FAM184A: variants seen among roughly 807,000 people sequenced by gnomAD.
FAM184A encodes the protein family with sequence similarity 184 member A.
In FAM184A, 99 loss-of-function variants were observed where a neutral mutation model predicts 143.8. The ratio of observed to expected loss-of-function variants is 0.69; its 90% CI spans 0.58 to 0.81. The LOEUF (loss-of-function observed/expected upper bound fraction) is 0.81, where lower values mean the gene tolerates loss of function less well. Among genes scored for constraint, FAM184A ranks in the 40% least tolerant of loss-of-function variants. The pLI is 0.00. For synonymous variants in FAM184A, 427 were observed against 446.4 expected, an observed-to-expected ratio of 0.96 and a Z score of 0.55; for missense variants, 1,217 against 1,310.5, an observed-to-expected ratio of 0.93 and a Z score of 1.10.
chr6:119,038,489 GGA>G (rs776204788), intron 1 of FAM184A, among the ~76,000 whole-genome samples: 1 of 152,162 alleles, frequency 6.6e-6, no homozygotes, highest in African/African-American at 2.4e-5. Flanking sequence ...AAAATGGCCA[GGA>G]GAGTGACCTC....
chr6:119,024,749 G>C lies in FAM184A; in HGVS notation c.224C>G (p.Ala75Gly). The C allele has an allele frequency of 6.2e-7, 1 of 1,613,246 alleles. No individual in the cohort carries two copies. Among genetic ancestry groups the C allele is most frequent in the Non-Finnish European group, 8.5e-7 (1 of 1,179,818 alleles). Residue 75 changes from alanine to glycine, a missense_variant, in exon 2 of 18, where the codon GCT (alanine) becomes GGT (glycine). By Grantham distance (60) the Ala-to-Gly change is moderately conservative. Transcript: ENST00000338891. ...AATTTGTTGAATTTCTTCTTCATGA[G>C]CATCTTTGAGGGCTTGAATTGCAGA... ...HESAIQALKD[A>G]HEEEIQQILA... is the part of the protein sequence containing the mutation.
chr6:119,079,940 G>A (rs1788013446), upstream of FAM184A, among the ~76,000 whole-genome samples: 1 of 152,168 alleles, frequency 6.6e-6, no homozygotes, highest in Non-Finnish European at 1.5e-5. Flanking sequence ...CTAGTTCCGA[G>A]GTTCTGAATG....
intron 1 of FAM184A, among the ~76,000 whole-genome samples, chr6:119,034,039 TATA>T (rs1786011544): frequency 3.3e-4 from 10 of 30,274 alleles, no homozygotes; most frequent in Non-Finnish European, 5.6e-4. Context: ...TATATATATA[TATA>T]GAGAGAGAGA....
intron 1 of FAM184A, among the ~76,000 whole-genome samples, chr6:119,098,593 A>G (rs1788566795): frequency 6.6e-6 from 1 of 152,198 alleles, no homozygotes. Context: ...GGTAGATTCA[A>G]AATTTTTTTA....
Position 119,096,642 on chromosome 6 carries a change from CAAAAAA to C in FAM184A, c.-202+52430_-202+52435del, listed in dbSNP as rs763619775. Among the ~76,000 whole-genome samples the C allele has an allele frequency of 9.7e-5, 2 of 20,650 alleles. 1 individual carries two copies. The highest frequency in any genetic ancestry group is 3.8e-4 in the African/African-American group (2 of 5,208). 13.5% of individuals were successfully genotyped at this position (20,650 alleles called of 152,430 possible). A position where few individuals can be genotyped will look rare whatever the true frequency, so the allele number is the denominator to read the frequency against. The stretch of plus-strand genomic sequence containing the variant: ...TGGGCGACAGAGCGAGACTCCATCT[CAAAAAA>C]AAAAAAAAAAAAAAAAAAAGAAAGA... On this transcript the variant is annotated intron_variant, in intron 1 of 16. Transcript: ENST00000352896.
intron 1 of FAM184A, among the ~76,000 whole-genome samples, chr6:119,051,029 A>G (rs1786742843): frequency 6.6e-6 from 1 of 152,220 alleles, no homozygotes; most frequent in African/African-American, 2.4e-5. Flanking sequence ...AGCAGAAAAA[A>G]TAACTGTTGG....
At chr6:119,016,093 C>T (rs146803038) in intron 5 of FAM184A, among the ~76,000 whole-genome samples, 5,938 of 152,260 alleles carry the variant, frequency 0.039, 191 homozygotes, top group South Asian at 0.074. Flanking sequence ...CTTGGAGAAC[C>T]TGTGTGTGAA....
At position 118,970,256 on chromosome 6, in the gene FAM184A, G is replaced by A. The variant is rs574983335; in HGVS notation, c.2916-3304C>T. Among the ~76,000 whole-genome samples, 20 of 151,124 alleles carry A rather than the reference G, an allele frequency of 1.3e-4. No homozygotes were observed. The East Asian group carries it at 3.7e-3, about 28-fold the overall frequency. On this transcript the variant is annotated intron_variant, in intron 14 of 17. Coordinates refer to ENST00000338891, the MANE Select transcript of FAM184A (RefSeq NM_024581.6). ...TGACCTCAGGTGATCCGCCTGCCTC[G>A]GCCTCCCAGAAGTGCTGGGATTACA... is the stretch of plus-strand genomic sequence containing the variant.
At chr6:118,991,751 CTTTTTTTTTT>C (rs61476918) in intron 9 of FAM184A, among the ~76,000 whole-genome samples, 5 of 42,350 alleles carry the variant, frequency 1.2e-4, no homozygotes, top group Non-Finnish European at 1.6e-4. Flanking sequence ...CCTGAGAGGA[CTTTTTTTTTT>C]TTTTTTTTTT....
intron 1 of FAM184A, among the ~76,000 whole-genome samples, chr6:119,064,512 C>G (rs1787371825): frequency 6.6e-6 from 1 of 152,110 alleles, no homozygotes; most frequent in Non-Finnish European, 1.5e-5. Context: ...ATCAGCCTGG[C>G]AAACATAGTA....
intron 5 of FAM184A, among the ~76,000 whole-genome samples, chr6:119,013,601 ATAG>A (rs1562473109): frequency 6.6e-6 from 1 of 152,258 alleles, no homozygotes. Flanking sequence ...TGGTTCTGGA[ATAG>A]TGACCTGGCA....
chr6:119,072,269 A>C (rs1181460221), intron 1 of FAM184A, among the ~76,000 whole-genome samples: 1 of 152,198 alleles, frequency 6.6e-6, no homozygotes, highest in Admixed American at 6.5e-5. Flanking sequence ...CATTAGTAAA[A>C]TGCAACAAAT....
rs749631840 is a variant in FAM184A, at chr6:119,020,162, A to G, written c.1151-3T>C. 3.0e-5 allele frequency: 46 copies of G among 1,524,790 alleles called. No individual in the cohort carries two copies. Among genetic ancestry groups the G allele is most frequent in the Non-Finnish European group, 4.0e-5 (46 of 1,142,104 alleles). The allele number at this position is 1,524,790 out of a possible 1,614,324, so 94.5% of individuals were successfully genotyped here. A position where few individuals can be genotyped will look rare whatever the true frequency, so the allele number is the denominator to read the frequency against. On this transcript the variant is annotated splice_polypyrimidine_tract_variant and splice_region_variant and intron_variant, in intron 3 of 17. Transcript: ENST00000338891. Reference sequence around the variant, plus strand: ...TGCTTGAAGCATTCCAATATGACCTATCCCCCAAAAAGAAAATCCCTTCAA... The same window carrying G: ...TGCTTGAAGCATTCCAATATGACCTGTCCCCCAAAAAGAAAATCCCTTCAA...
Position 119,023,561 on chromosome 6 carries a change from C to G in FAM184A, c.1014+398G>C, listed in dbSNP as rs373660562. On this transcript the variant is annotated intron_variant, in intron 2 of 17. Coordinates refer to ENST00000338891, the MANE Select transcript of FAM184A (RefSeq NM_024581.6). ...ATAATTAGCAATATTGTCCGCCCCC[C>G]CCCCCAGGAACAGCGTATTACCTCG... 4.6e-4 allele frequency among the ~76,000 whole-genome samples: 55 copies of G among 119,802 alleles called. 3 individuals carry two copies. The East Asian group carries it at 5.5e-3, about 12-fold the overall frequency. 78.6% of individuals were successfully genotyped at this position (119,802 alleles called of 152,430 possible).
chr6:118,975,026 T>G lies in FAM184A; in HGVS notation c.2766A>C (p.Ile922=). The G allele has an allele frequency of 6.2e-7, 1 of 1,610,810 alleles. No homozygotes were observed. The highest frequency in any genetic ancestry group is 8.5e-7 in the Non-Finnish European group (1 of 1,177,794). The change falls in exon 13 of 18, where the codon ATA becomes ATC. Residue 922 remains isoleucine, a splice_region_variant and synonymous_variant. Coordinates refer to ENST00000338891, the MANE Select transcript of FAM184A (RefSeq NM_024581.6). ...LRIRSESNQQ[I]RLHEQDLNKR... ...TTCTGTTGTACTTAATGGCATACCT[T>G]ATCTGTTGGTTAGATTCACTTCGTA...
intron 1 of FAM184A, among the ~76,000 whole-genome samples, chr6:119,098,596 T>C (rs578203302): frequency 6.6e-6 from 1 of 152,168 alleles, no homozygotes; most frequent in African/African-American, 2.4e-5. Flanking sequence ...AGATTCAAAA[T>C]TTTTTTATTT....
Position 118,974,486 on chromosome 6 carries a change from C to A in FAM184A, c.2857G>T (p.Ala953Ser), listed in dbSNP as rs201332654. ...DHLREKNIMR[A>S]DFNKTNELLK... ...AGCTCGTTAGTCTTATTAAAATCTG[C>A]CCGCATGATATTTTTCTCTCTGAGG... Residue 953 changes from alanine (A) to serine (S), a missense_variant, in exon 14 of 18, where the codon GCA (alanine) becomes TCA (serine). Physicochemically the swap from Ala to Ser is moderately conservative, Grantham distance 99. Transcript: ENST00000338891. 130 of 1,612,502 alleles carry A rather than the reference C, an allele frequency of 8.1e-5. No homozygotes were observed. In the African/African-American group the frequency reaches 1.6e-3, roughly 20 times the overall value.
chr6:119,017,052 CG>C (rs1276177250), intron 4 of FAM184A, 108 bp from the exon 5 acceptor site: 2 of 699,666 alleles, frequency 2.9e-6, no homozygotes, highest in Non-Finnish European at 4.8e-6. Context: ...CTGAGTGCTA[CG>C]GGATCTAGAC....
At chr6:118,961,250 T>G (rs1379213698) in intron 17 of FAM184A, among the ~76,000 whole-genome samples, 1 of 151,536 alleles carries the variant, frequency 6.6e-6, no homozygotes, top group Non-Finnish European at 1.5e-5. Flanking sequence ...ATTATTTATT[T>G]TTTCTAAATT....
Sources: allele counts gnomAD v4.1 joint callset (sites outside exome capture counted in the v4.1 genomes callset), GRCh38; gene constraint gnomAD v4.1.1; transcripts MANE v1.5; gene names NCBI Gene and HGNC (gene_info 2026-07-23, HGNC 2026-07-21).